Variants in NOVA1 observed in about 807,000 individuals in gnomAD.
NOVA1 encodes RNA-binding protein Nova-1.
NOVA1 carries 7 observed loss-of-function variants against 38.0 expected under a neutral mutation model. The ratio of observed to expected loss-of-function variants is 0.18; its 90% CI spans 0.10 to 0.35. The LOEUF is 0.35. Among genes scored for constraint, NOVA1 ranks in the 10% least tolerant of loss-of-function variants. NOVA1 has a pLI of 1.00. For synonymous variants in NOVA1, 270 were observed against 232.5 expected, an observed-to-expected ratio of 1.16 and a Z score of -1.47; for missense variants, 460 against 616.0, an observed-to-expected ratio of 0.75 and a Z score of 2.68.
Position 26,581,438 on chromosome 14 carries a change from G to A in NOVA1, c.280+13972C>T, listed in dbSNP as rs141011531. Among the ~76,000 whole-genome samples, 28 of 151,800 alleles carry A rather than the reference G, an allele frequency of 1.8e-4. No individual in the cohort carries two copies. The East Asian group carries it at 4.8e-3, about 26-fold the overall frequency. ...ACAAAATCTTACAGGGCCAAATGAA[G>A]GCAATTGAATCATTTCATGTAAACA... is the stretch of plus-strand genomic sequence containing the variant. On this transcript the variant is annotated intron_variant, in intron 2 of 4. Coordinates refer to ENST00000539517, the MANE Select transcript of NOVA1 (RefSeq NM_002515.3).
chr14:26,532,276 A>G (rs1889770575), intron 2 of NOVA1, among the ~76,000 whole-genome samples: 1 of 152,240 alleles, frequency 6.6e-6, no homozygotes, highest in African/African-American at 2.4e-5. Flanking sequence ...CAAGAACTAG[A>G]AACGACTTAA....
At chr14:26,522,288 T>A (rs978556993) in intron 2 of NOVA1, among the ~76,000 whole-genome samples, 1 of 152,122 alleles carries the variant, frequency 6.6e-6, no homozygotes, top group Non-Finnish European at 1.5e-5. Flanking sequence ...AAATTTCTTT[T>A]GAACTGCACT....
At chr14:26,588,506 A>G (rs1404984529) in intron 2 of NOVA1, 1 of 151,434 alleles carries the variant, frequency 6.6e-6, no homozygotes, top group Non-Finnish European at 1.5e-5. Context: ...AGAATCAATG[A>G]TGGAGTGGAG....
chr14:26,515,890 A>G (rs1472502529), intron 2 of NOVA1, among the ~76,000 whole-genome samples: 1 of 152,082 alleles, frequency 6.6e-6, no homozygotes, highest in Non-Finnish European at 1.5e-5. Context: ...ATACATGTAT[A>G]CATAAAAAAG....
chr14:26,579,518 A>G (rs1009980114), intron 2 of NOVA1, among the ~76,000 whole-genome samples: 5 of 152,218 alleles, frequency 3.3e-5, no homozygotes, highest in African/African-American at 1.2e-4. Context: ...AACAAAAATC[A>G]TACTTACAGT....
At chr14:26,482,216 A>G (rs2138306984) in intron 2 of NOVA1, among the ~76,000 whole-genome samples, 2 of 152,284 alleles carry the variant, frequency 1.3e-5, no homozygotes, top group Admixed American at 1.3e-4. Context: ...GGGACAATTG[A>G]AAATAGTTCA....
At position 26,462,367 on chromosome 14, in the gene NOVA1, GAGAC is replaced by G. The variant is rs1883752208; in HGVS notation, c.519+9949_519+9952del. Among the ~76,000 whole-genome samples the G allele has an allele frequency of 4.6e-5, 7 of 151,970 alleles. No individual in the cohort carries two copies. The South Asian group carries it at 1.2e-3, about 27-fold the overall frequency. On this transcript the variant is annotated intron_variant, in intron 4 of 4. Coordinates refer to ENST00000539517, the MANE Select transcript of NOVA1 (RefSeq NM_002515.3). Reference sequence around the variant, plus strand: ...CAATGAATTAACACTTGAAAAAAAAGAGACAGTGTCATATAGTACACAATTATCA... The same window carrying G: ...CAATGAATTAACACTTGAAAAAAAAGAGTGTCATATAGTACACAATTATCA...
intron 4 of NOVA1, among the ~76,000 whole-genome samples, chr14:26,467,346 CA>C: frequency 6.6e-6 from 1 of 152,244 alleles, no homozygotes; most frequent in South Asian, 2.1e-4. Context: ...CTGGAATTAG[CA>C]AAGTGCTCAT....
chr14:26,541,587 T>C (rs191836623), intron 2 of NOVA1, among the ~76,000 whole-genome samples: 80 of 148,860 alleles, frequency 5.4e-4, no homozygotes, highest in African/African-American at 1.7e-3. Context: ...AAAAAGTCTA[T>C]TGCATTTTAG....
chr14:26,540,468 A>G (rs1274575416), intron 2 of NOVA1, among the ~76,000 whole-genome samples: 1 of 152,228 alleles, frequency 6.6e-6, no homozygotes, highest in Admixed American at 6.5e-5. Context: ...GACTTTTGCC[A>G]CAATTATTTC....
At chr14:26,500,214 T>A (rs2138401590) in intron 2 of NOVA1, among the ~76,000 whole-genome samples, 1 of 152,198 alleles carries the variant, frequency 6.6e-6, no homozygotes, top group South Asian at 2.1e-4. Context: ...CACAAGAATG[T>A]GAGCTGTTTA....
chr14:26,471,882 C>T (rs556167997), intron 4 of NOVA1: 19 of 180,410 alleles, frequency 1.1e-4, no homozygotes, highest in South Asian at 3.9e-4. Context: ...CATCATAAGG[C>T]ATGTCTCAAA....
chr14:26,526,382 G>T (rs549551115), intron 2 of NOVA1, among the ~76,000 whole-genome samples: 1 of 152,148 alleles, frequency 6.6e-6, no homozygotes. Context: ...GGCTGATGTT[G>T]CTTGGAAACC....
At chr14:26,538,683 C>A (rs1048951827) in intron 2 of NOVA1, among the ~76,000 whole-genome samples, 1 of 152,000 alleles carries the variant, frequency 6.6e-6, no homozygotes, top group Non-Finnish European at 1.5e-5. Context: ...CTCTTGCCCC[C>A]CACTCCTTTC....
At chr14:26,456,119 AAATGTATTCAACATATT>A (rs1216655710) in intron 4 of NOVA1, among the ~76,000 whole-genome samples, 2 of 152,040 alleles carry the variant, frequency 1.3e-5, no homozygotes, top group Non-Finnish European at 2.9e-5. Context: ...GATTAGCAAA[AAATGTATTCAACATATT>A]TGAATATTTG....
At chr14:26,471,568 TTAAAG>T (rs1300490531) in intron 4 of NOVA1, among the ~76,000 whole-genome samples, 1 of 151,868 alleles carries the variant, frequency 6.6e-6, no homozygotes, top group Non-Finnish European at 1.5e-5. Context: ...CATTGTCAAA[TTAAAG>T]TACAGTATGG....
chr14:26,596,856 A>T, intron 1 of NOVA1: 2 of 1,130,316 alleles, frequency 1.8e-6, no homozygotes, highest in Non-Finnish European at 2.2e-6. Context: ...CCGGCGCCCC[A>T]GTCATTCGCA....
At chr14:26,464,199 AAT>A (rs1883933267) in intron 4 of NOVA1, among the ~76,000 whole-genome samples, 1 of 152,172 alleles carries the variant, frequency 6.6e-6, no homozygotes, top group Non-Finnish European at 1.5e-5. Context: ...CATTTTCATC[AAT>A]GACAGGCCAC....
At chr14:26,488,822 AC>A (rs1416972224) in intron 2 of NOVA1, among the ~76,000 whole-genome samples, 1 of 152,120 alleles carries the variant, frequency 6.6e-6, no homozygotes, top group African/African-American at 2.4e-5. Context: ...AGTAATTTGT[AC>A]TTTTAAATTT....
Sources: allele counts gnomAD v4.1 joint callset (sites outside exome capture counted in the v4.1 genomes callset), GRCh38; gene constraint gnomAD v4.1.1; transcripts MANE v1.5; gene names NCBI Gene and HGNC (gene_info 2026-07-23, HGNC 2026-07-21).